The following ST6GALNAC5 variants were observed in gnomAD, a reference collection of about 807,000 sequenced individuals.
ST6GALNAC5 encodes ST6 N-acetylgalactosaminide alpha-2,6-sialyltransferase 5, also known as alpha-N-acetylgalactosaminide alpha-2,6-sialyltransferase 5.
ST6GALNAC5 carries 27 observed loss-of-function variants against 33.6 expected under a neutral mutation model. That is an observed-to-expected ratio of 0.80 (90% CI 0.59 to 1.11). The LOEUF (loss-of-function observed/expected upper bound fraction) is 1.11, where lower values mean the gene tolerates loss of function less well. ST6GALNAC5 is among the 50% of genes least tolerant of loss of function. ST6GALNAC5 has a pLI of 0.00. For missense variants in ST6GALNAC5, 428 were observed against 454.0 expected, an observed-to-expected ratio of 0.94 and a Z score of 0.52; for synonymous variants, 194 against 171.2, an observed-to-expected ratio of 1.13 and a Z score of -1.04.
intron 2 of ST6GALNAC5, among the ~76,000 whole-genome samples, chr1:76,900,868 A>G (rs892780466): frequency 6.6e-6 from 1 of 152,216 alleles, no homozygotes; most frequent in African/African-American, 2.4e-5. Context: ...GAATTATCAG[A>G]AAACATAATT....
chr1:77,059,914 G>T (rs1013561047), intron 4 of ST6GALNAC5, among the ~76,000 whole-genome samples: 2 of 151,542 alleles, frequency 1.3e-5, no homozygotes, highest in African/African-American at 2.4e-5. Flanking sequence ...TATTTTATTG[G>T]TTTTATAATC....
intron 2 of ST6GALNAC5, among the ~76,000 whole-genome samples, chr1:76,914,087 C>A (rs1201529154): frequency 6.6e-6 from 1 of 152,128 alleles, no homozygotes; most frequent in Non-Finnish European, 1.5e-5. Context: ...CTCCCATTCA[C>A]AATTGCTTCA....
rs776313305 is a variant in ST6GALNAC5, at chr1:76,867,726, G to A, written c.15+36G>A. Reference sequence around the variant, plus strand: ...TGTGGCAACTCCACCGGGCAAAGAGGGGGATCCCCGGGCTCAGGGTCCACG... The same window carrying A: ...TGTGGCAACTCCACCGGGCAAAGAGAGGGATCCCCGGGCTCAGGGTCCACG... On this transcript the variant is annotated intron_variant, in intron 1 of 4. Coordinates refer to ENST00000477717, the MANE Select transcript of ST6GALNAC5 (RefSeq NM_030965.3). The A allele has an allele frequency of 7.4e-6, 12 of 1,613,886 alleles. No individual in the cohort carries two copies. The South Asian group carries it at 1.1e-4, about 15-fold the overall frequency.
At chr1:76,963,908 T>A (rs971589918) in intron 2 of ST6GALNAC5, among the ~76,000 whole-genome samples, 1 of 152,122 alleles carries the variant, frequency 6.6e-6, no homozygotes, top group African/African-American at 2.4e-5. Flanking sequence ...GGGAGAACCT[T>A]TTCCCACTGA....
intron 2 of ST6GALNAC5, among the ~76,000 whole-genome samples, chr1:76,915,455 G>A (rs978193888): frequency 7.2e-5 from 11 of 152,028 alleles, no homozygotes; most frequent in African/African-American, 1.9e-4. Flanking sequence ...AATGTCCAAT[G>A]ATGATAGACT....
intron 2 of ST6GALNAC5, among the ~76,000 whole-genome samples, chr1:76,941,007 T>C (rs1026826290): frequency 5.3e-5 from 8 of 152,158 alleles, no homozygotes; most frequent in African/African-American, 1.9e-4. Flanking sequence ...AGTATGTAAA[T>C]TGGGGGTAAA....
chr1:76,938,570 A>G (rs1647250511), intron 2 of ST6GALNAC5, among the ~76,000 whole-genome samples: 1 of 152,060 alleles, frequency 6.6e-6, no homozygotes, highest in African/African-American at 2.4e-5. Flanking sequence ...GCTCCTTCTG[A>G]CTGGAAGTGT....
chr1:77,033,551 G>T (rs1277632143), intron 2 of ST6GALNAC5, among the ~76,000 whole-genome samples: 3 of 152,120 alleles, frequency 2.0e-5, no homozygotes, highest in Non-Finnish European at 1.5e-5. Flanking sequence ...TATGTATTGG[G>T]CTCGGAAGAG....
rs1035329597 is a variant in ST6GALNAC5, at chr1:76,880,457, T to C, written c.261+11715T>C. Among the ~76,000 whole-genome samples the C allele has an allele frequency of 2.8e-4, 42 of 152,294 alleles. 1 individual carries two copies. The highest frequency in any genetic ancestry group is 9.6e-4 in the African/African-American group (40 of 41,552). The stretch of plus-strand genomic sequence containing the variant: ...AGAGAGATAGAACTAATAGGACATA[T>C]ACACATAATACTTAATAGTTTATTA... On this transcript the variant is annotated intron_variant, in intron 2 of 4. Transcript: ENST00000477717.
intron 4 of ST6GALNAC5, among the ~76,000 whole-genome samples, chr1:77,061,722 C>T (rs1652579925): frequency 1.3e-5 from 2 of 152,146 alleles, no homozygotes; most frequent in Admixed American, 1.3e-4. Flanking sequence ...TTTTAGAAAC[C>T]AGTCTGAGAC....
intron 2 of ST6GALNAC5, among the ~76,000 whole-genome samples, chr1:77,016,174 G>GTATC (rs374178831): frequency 0.12 from 444 of 3,592 alleles, 183 homozygotes; most frequent in African/African-American, 0.14. Context: ...TCCTCCTCCT[G>GTATC]TCCTCCCCCT....
intron 2 of ST6GALNAC5, among the ~76,000 whole-genome samples, chr1:76,949,405 A>G (rs1265513216): frequency 6.6e-6 from 1 of 152,136 alleles, no homozygotes; most frequent in African/African-American, 2.4e-5. Flanking sequence ...GCACTGGCCC[A>G]CAATGGATAG....
At position 77,063,904 on chromosome 1, in the gene ST6GALNAC5, T is replaced by C. The variant is rs752621484; in HGVS notation, c.*698T>C. The C allele has an allele frequency of 6.5e-6, 1 of 152,730 alleles. No homozygotes were observed. The allele number at this position is 152,730 out of a possible 1,614,324, so 9.5% of individuals were successfully genotyped here. On this transcript the variant is annotated 3_prime_UTR_variant, in exon 5 of 5. Coordinates refer to ENST00000477717, the MANE Select transcript of ST6GALNAC5 (RefSeq NM_030965.3). ...ATGCAATTGGTATTTGACTTGGAAG[T>C]GTTGTGTTGTATTTTTTGAACCCCT...
intron 2 of ST6GALNAC5, among the ~76,000 whole-genome samples, chr1:76,875,244 T>G (rs537587368): frequency 1.8e-4 from 27 of 152,138 alleles, no homozygotes; most frequent in South Asian, 4.2e-4. Context: ...CAGGTCATGG[T>G]TTTTTTTCCT....
intron 2 of ST6GALNAC5, among the ~76,000 whole-genome samples, chr1:76,976,568 GA>G (rs1231947919): frequency 6.6e-6 from 1 of 152,084 alleles, no homozygotes; most frequent in Non-Finnish European, 1.5e-5. Context: ...CTTGTTCATT[GA>G]AGAGATAGAG....
intron 3 of ST6GALNAC5, among the ~76,000 whole-genome samples, chr1:77,046,133 A>C (rs1651999937): frequency 6.6e-6 from 1 of 152,156 alleles, no homozygotes; most frequent in African/African-American, 2.4e-5. Context: ...ACTAAAGGAG[A>C]GTCAGACTTA....
intron 4 of ST6GALNAC5, among the ~76,000 whole-genome samples, chr1:77,051,134 C>A (rs182289082): frequency 3.2e-4 from 48 of 152,258 alleles, no homozygotes; most frequent in Admixed American, 1.8e-3. Flanking sequence ...TTAAAACTTG[C>A]TTTTTAAATT....
Position 76,868,791 on chromosome 1 carries a change from C to A in ST6GALNAC5, c.261+49C>A, listed in dbSNP as rs1185665382. ...CTCGCCACTCAGCCTGGGGATCCCGCACACCTGAGCCTTCCCCCTTTCCCG... is the reference window on the plus strand; with the variant it reads ...CTCGCCACTCAGCCTGGGGATCCCGAACACCTGAGCCTTCCCCCTTTCCCG... On this transcript the variant is annotated intron_variant, in intron 2 of 4. Transcript: ENST00000477717. The surrounding 1 kb of genome is among the most constrained non-coding windows in gnomAD (Gnocchi z 4.3). The A allele has an allele frequency of 6.9e-7, 1 of 1,446,588 alleles. No individual in the cohort carries two copies. The highest frequency in any genetic ancestry group is 1.4e-5 in the African/African-American group (1 of 69,216). The allele number at this position is 1,446,588 out of a possible 1,614,324, so 89.6% of individuals were successfully genotyped here. A position where few individuals can be genotyped will look rare whatever the true frequency, so the allele number is the denominator to read the frequency against.
At chr1:76,884,833 G>T (rs969910151) in intron 2 of ST6GALNAC5, among the ~76,000 whole-genome samples, 5 of 152,140 alleles carry the variant, frequency 3.3e-5, no homozygotes, top group African/African-American at 1.2e-4. Context: ...ATGGGCAAAA[G>T]AATCACTTAG....
Sources: allele counts gnomAD v4.1 joint callset (sites outside exome capture counted in the v4.1 genomes callset), GRCh38; gene constraint gnomAD v4.1.1; non-coding constraint Gnocchi (gnomAD v3.1); transcripts MANE v1.5; gene names NCBI Gene and HGNC (gene_info 2026-07-23, HGNC 2026-07-21).